Variants in FAF2 observed in about 807,000 individuals in gnomAD.
FAF2 encodes Fas associated factor family member 2, also known as FAS-associated factor 2.
In FAF2, 9 loss-of-function variants were observed where a neutral mutation model predicts 62.3. That is an observed-to-expected ratio of 0.14 (90% CI 0.09 to 0.25). The LOEUF (loss-of-function observed/expected upper bound fraction) is 0.25. Ranked by LOEUF, FAF2 falls within the 10% of genes least tolerant of loss-of-function variation. The pLI, the probability that FAF2 is intolerant of heterozygous loss-of-function variation, is 1.00. For missense variants in FAF2, 368 were observed against 556.2 expected (o/e 0.66, Z 3.40); for synonymous variants, 202 against 198.0 (o/e 1.02, Z -0.17).
rs951155459 is a variant in FAF2, at chr5:176,507,343, A to C, written c.*393A>C. The C allele has an allele frequency of 2.9e-5, 13 of 453,488 alleles. No individual in the cohort carries two copies. Among genetic ancestry groups the C allele is most frequent in the Non-Finnish European group, 5.3e-5 (12 of 225,516 alleles). The allele number at this position is 453,488 out of a possible 1,614,324, so 28.1% of individuals were successfully genotyped here. ...TGAAAAATAAAAGTGAAAAACCTCC[A>C]TCAACCAGCTACTTGCAGCATCTCC... On this transcript the variant is annotated 3_prime_UTR_variant, in exon 11 of 11. Transcript: ENST00000261942.
chr5:176,493,378 G>T (rs1759005918), intron 5 of FAF2, among the ~76,000 whole-genome samples: 1 of 152,216 alleles, frequency 6.6e-6, no homozygotes, highest in African/African-American at 2.4e-5. Flanking sequence ...ATGATCCTGA[G>T]GGTAGACCAC....
intron 1 of FAF2, among the ~76,000 whole-genome samples, chr5:176,459,124 G>A (rs1334938796): frequency 6.6e-6 from 1 of 151,932 alleles, no homozygotes; most frequent in African/African-American, 2.4e-5. Context: ...TAATTCACCA[G>A]AAATCTCAAT....
At chr5:176,471,625 T>C (rs1758571592) in intron 1 of FAF2, among the ~76,000 whole-genome samples, 1 of 151,358 alleles carries the variant, frequency 6.6e-6, no homozygotes, top group Non-Finnish European at 1.5e-5. Flanking sequence ...TCAGGTGATC[T>C]GCCCACCTCG....
chr5:176,482,211 G>A (rs1758791741), intron 2 of FAF2, among the ~76,000 whole-genome samples: 1 of 144,048 alleles, frequency 6.9e-6, no homozygotes, highest in Non-Finnish European at 1.5e-5. Context: ...TTCATGTTGA[G>A]CTGTGAAAGT....
At chr5:176,506,686 G>C (rs1204467116) in intron 10 of FAF2, 82 bp from the exon 11 acceptor site, 1 of 1,136,994 alleles carries the variant, frequency 8.8e-7, no homozygotes, top group African/African-American at 1.8e-5. Context: ...TTTGACTTCA[G>C]AGTTGTGTGT....
intron 1 of FAF2, among the ~76,000 whole-genome samples, chr5:176,458,696 G>T (rs1056834554): frequency 3.9e-5 from 6 of 152,136 alleles, no homozygotes; most frequent in African/African-American, 1.4e-4. Context: ...GAGCCACTGT[G>T]CCTGGCCCAG....
chr5:176,488,892 A>T lies in FAF2; in HGVS notation c.268-59A>T. 3 of 1,369,604 alleles carry T rather than the reference A, an allele frequency of 2.2e-6. No homozygotes were observed. The South Asian group carries it at 3.5e-5, about 16-fold the overall frequency. 84.8% of individuals were successfully genotyped at this position (1,369,604 alleles called of 1,614,324 possible). A position where few individuals can be genotyped will look rare whatever the true frequency, so the allele number is the denominator to read the frequency against. On this transcript the variant is annotated intron_variant, in intron 3 of 10. Transcript: ENST00000261942. ...AAGAGTGAGAAAATCTGACCTAGCCATTTGATAAAATATTAGGGATTGAGA... is the reference window on the plus strand; with the variant it reads ...AAGAGTGAGAAAATCTGACCTAGCCTTTTGATAAAATATTAGGGATTGAGA...
chr5:176,501,338 C>T (rs1755589153), intron 10 of FAF2, among the ~76,000 whole-genome samples: 1 of 152,178 alleles, frequency 6.6e-6, no homozygotes, highest in African/African-American at 2.4e-5. Context: ...CCTGATCGCT[C>T]AGAATAATCA....
chr5:176,504,735 T>C (rs1445815606), intron 10 of FAF2, among the ~76,000 whole-genome samples: 1 of 152,128 alleles, frequency 6.6e-6, no homozygotes, highest in Non-Finnish European at 1.5e-5. Flanking sequence ...TAGACTAAAA[T>C]ATGAGAAGTT....
rs1424660725 is a variant in FAF2, at chr5:176,448,977, G to GAT, written c.63+508_63+509dup. On this transcript the variant is annotated intron_variant, in intron 1 of 10. Transcript: ENST00000261942. ...GTCGGGGAGGGGGCACCTACACACAGATCTGGTCCCCGCCCTAGAGGTGTG... is the reference window on the plus strand; with the variant it reads ...GTCGGGGAGGGGGCACCTACACACAGATATCTGGTCCCCGCCCTAGAGGTGTG... Among the ~76,000 whole-genome samples, 14 of 152,310 alleles carry GAT rather than the reference G, an allele frequency of 9.2e-5. 1 individual carries two copies. In the East Asian group the frequency reaches 2.7e-3, roughly 29 times the overall value.
chr5:176,496,428 AG>A (rs1755484444), intron 7 of FAF2, 57 bp from the exon 8 acceptor site: 5 of 1,394,426 alleles, frequency 3.6e-6, no homozygotes, highest in African/African-American at 2.9e-5. Context: ...GGAAAGTCTA[AG>A]GGTTGATCTT....
chr5:176,488,638 G>A (rs1295786333), intron 3 of FAF2, among the ~76,000 whole-genome samples: 1 of 151,972 alleles, frequency 6.6e-6, no homozygotes, highest in African/African-American at 2.4e-5. Context: ...GGCCAGGCTG[G>A]TCTCAAACTC....
chr5:176,464,655 G>T (rs988409223), intron 1 of FAF2, among the ~76,000 whole-genome samples: 2 of 151,760 alleles, frequency 1.3e-5, no homozygotes, highest in Admixed American at 1.3e-4. Flanking sequence ...ACCATGCCCG[G>T]CTAATGTTTT....
chr5:176,498,328 A>G (rs1034159701), intron 8 of FAF2, among the ~76,000 whole-genome samples: 2 of 152,206 alleles, frequency 1.3e-5, no homozygotes, highest in Non-Finnish European at 2.9e-5. Flanking sequence ...CTGCATGTAA[A>G]TTTTATCTTA....
intron 9 of FAF2, among the ~76,000 whole-genome samples, 193 bp downstream of exon 9, chr5:176,499,278 T>C (rs913370575): frequency 2.0e-5 from 3 of 151,876 alleles, no homozygotes; most frequent in African/African-American, 7.3e-5. Flanking sequence ...ACCATTTAAA[T>C]ATTCATTCTT....
intron 2 of FAF2, among the ~76,000 whole-genome samples, chr5:176,479,651 A>G (rs1220706445): frequency 6.6e-6 from 1 of 151,750 alleles, no homozygotes; most frequent in African/African-American, 2.4e-5. Context: ...ACTTTAAAAC[A>G]CTGTCAGTTG....
chr5:176,487,649 G>A (rs1758898743), intron 3 of FAF2, among the ~76,000 whole-genome samples: 1 of 152,102 alleles, frequency 6.6e-6, no homozygotes, highest in African/African-American at 2.4e-5. Context: ...ATAAACTATA[G>A]AGCCCTGGAT....
chr5:176,482,804 C>G (rs534614935), intron 2 of FAF2, among the ~76,000 whole-genome samples: 18 of 152,316 alleles, frequency 1.2e-4, no homozygotes, highest in African/African-American at 4.3e-4. Context: ...ACGTGAGCCA[C>G]CATGCCTGGT....
intron 1 of FAF2, among the ~76,000 whole-genome samples, chr5:176,462,010 C>CT (rs1316965680): frequency 6.6e-6 from 1 of 152,162 alleles, no homozygotes; most frequent in Non-Finnish European, 1.5e-5. Flanking sequence ...GGTGCAGTGT[C>CT]TCACACCTGT....
Sources: gnomAD v4.1 joint callset for allele counts (sites outside exome capture counted in the v4.1 genomes callset) on GRCh38, gnomAD v4.1.1 for gene constraint, MANE v1.5 for transcripts, NCBI Gene and HGNC (gene_info 2026-07-23, HGNC 2026-07-21) for gene names.